The following TCF20 variants were observed in gnomAD, a reference collection of about 807,000 sequenced individuals.
TCF20 encodes SPRE-binding protein.
In TCF20, 3 loss-of-function variants were observed where a neutral mutation model predicts 148.6. The observed-to-expected ratio is 0.02, with a 90% CI of 0.01 to 0.05. The LOEUF (loss-of-function observed/expected upper bound fraction) is 0.05, where lower values mean the gene tolerates loss of function less well. Ranked by LOEUF, TCF20 falls within the 10% of genes least tolerant of loss-of-function variation. TCF20 has a pLI of 1.00. For missense variants in TCF20, 2,350 were observed against 2,429.3 expected (o/e 0.97, Z 0.69); for synonymous variants, 1,049 against 909.5 (o/e 1.15, Z -2.76).
rs1193057402 is a variant in TCF20, at chr22:42,209,834, C to T, written c.5472G>A (p.Ser1824=). Residue 1824 remains serine (S), a synonymous_variant, in exon 2 of 6, where the codon TCG becomes TCA. Transcript: ENST00000677622. ...EGSSEKTVLD[S]KPSVPTTSEG... ...CTGAAGTGGTGGGCACGGAGGGCTT[C>T]GAGTCCAAAACAGTCTTTTCACTGC... is the stretch of plus-strand genomic sequence containing the variant. The T allele has an allele frequency of 8.1e-6, 13 of 1,614,066 alleles. 1 individual carries two copies. The highest frequency in any genetic ancestry group is 6.6e-5 in the South Asian group (6 of 91,086).
chr22:42,274,011 T>C (rs1217982216), upstream of TCF20: 1 of 152,682 alleles, frequency 6.5e-6, no homozygotes, highest in African/African-American at 2.4e-5. Flanking sequence ...AGCAGGCGGA[T>C]GTCCTTCCTC....
At position 42,168,683 on chromosome 22, in the gene TCF20, G is replaced by A. The variant is rs765119364; in HGVS notation, c.5853C>T (p.Ser1951=). 1.2e-6 allele frequency: 2 copies of A among 1,610,432 alleles called. No homozygotes were observed. The highest frequency in any genetic ancestry group is 2.2e-5 in the East Asian group (1 of 44,812). ...PPLQNKTAKG[S]LSTEQSERG ...CCCGCTCCGACTGCTCTGTGCTGAG[G>A]CTGCCTTTCGCGGTCTTGTTCTGCA... The change falls in exon 5 of 6, where the codon AGC becomes AGT. Residue 1951 remains serine, a synonymous_variant. Transcript: ENST00000677622.
At chr22:42,324,950 G>A (rs911516492) in intron 1 of TCF20, among the ~76,000 whole-genome samples, 3 of 152,244 alleles carry the variant, frequency 2.0e-5, no homozygotes, top group Non-Finnish European at 2.9e-5. Context: ...AGCCAGGCTC[G>A]GATGCCTCAT....
At chr22:42,218,278 A>G (rs1464560267) in intron 1 of TCF20, among the ~76,000 whole-genome samples, 1 of 152,212 alleles carries the variant, frequency 6.6e-6, no homozygotes, top group Non-Finnish European at 1.5e-5. Context: ...TCAGTAAAAA[A>G]TACCAGTTGT....
In TCF20 at chr22:42,214,130, A is replaced by C. The variant is rs1569152595; in HGVS notation, c.1176T>G (p.Thr392=). Residue 392 remains threonine, a synonymous_variant, in exon 2 of 6, where the codon ACT becomes ACG. Transcript: ENST00000677622. ...CTTGCCCACACTGGAGATTCTCCCC[A>C]GTCTGCATGAGAGGAGATGGGGTAG... is the stretch of plus-strand genomic sequence containing the variant. ...CSSTPSPLMQ[T]GENLQCGQGS... The C allele has an allele frequency of 6.2e-7, 1 of 1,614,226 alleles. No homozygotes were observed. Among genetic ancestry groups the C allele is most frequent in the Non-Finnish European group, 8.5e-7 (1 of 1,180,042 alleles).
In TCF20 at chr22:42,213,252, T is replaced by G; in HGVS notation, c.2054A>C (p.His685Pro). 1.2e-6 allele frequency: 2 copies of G among 1,614,044 alleles called. No individual in the cohort carries two copies. The highest frequency in any genetic ancestry group is 1.7e-6 in the Non-Finnish European group (2 of 1,179,988). ...CGTAAAACCAGGGCCCGCTGCAGAG[T>G]GGCCACTCTGGCCATTTCCTTCTCC... ...HNGEGNGQSG[H>P]SAAGPGFTSR... The change falls in exon 2 of 6, where the codon CAC becomes CCC. Residue 685 changes from histidine to proline, a missense_variant. Coordinates refer to ENST00000677622, the MANE Select transcript of TCF20 (RefSeq NM_001378418.1).
In TCF20 at chr22:42,261,783, G is replaced by C. The variant is rs2059179950; in HGVS notation, c.-37+8556C>G. Among the ~76,000 whole-genome samples the C allele has an allele frequency of 3.3e-5, 5 of 152,306 alleles. No homozygotes were observed. The South Asian group carries it at 1.0e-3, about 32-fold the overall frequency. On this transcript the variant is annotated intron_variant, in intron 1 of 5. Coordinates refer to ENST00000677622, the MANE Select transcript of TCF20 (RefSeq NM_001378418.1). The stretch of plus-strand genomic sequence containing the variant: ...CCGAGGTGGGCAGATCACGAGGTCA[G>C]GAGTTCAAGACCAGACTGGCCAACA...
intron 1 of TCF20, among the ~76,000 whole-genome samples, chr22:42,305,307 C>T (rs536514815): frequency 1.3e-5 from 2 of 152,156 alleles, no homozygotes; most frequent in Non-Finnish European, 2.9e-5. Context: ...CTCCCTGCCC[C>T]CCTCAGGGCA....
chr22:42,318,229 G>A (rs1927668835), intron 1 of TCF20, among the ~76,000 whole-genome samples: 1 of 152,230 alleles, frequency 6.6e-6, no homozygotes, highest in African/African-American at 2.4e-5. Flanking sequence ...GTACCATGCT[G>A]ATGTCACGCC....
intron 1 of TCF20, among the ~76,000 whole-genome samples, chr22:42,291,183 T>G (rs1927126119): frequency 6.6e-6 from 1 of 152,078 alleles, no homozygotes; most frequent in Non-Finnish European, 1.5e-5. Context: ...AACACAAGCA[T>G]TTATTGAGTG....
At position 42,179,039 on chromosome 22, in the gene TCF20, A is replaced by T. The variant is rs899553680; in HGVS notation, c.5749+570T>A. On this transcript the variant is annotated intron_variant, in intron 3 of 5. Coordinates refer to ENST00000677622, the MANE Select transcript of TCF20 (RefSeq NM_001378418.1). ...ATACCCACTGGGCTGGCTACAATTA[A>T]AAAAAAAAAAAAAAAGAAACACATA... 2.2e-3 allele frequency among the ~76,000 whole-genome samples: 312 copies of T among 140,802 alleles called. 2 individuals are homozygous for T. The highest frequency in any genetic ancestry group is 7.3e-3 in the African/African-American group (270 of 36,750). 92.4% of individuals were successfully genotyped at this position (140,802 alleles called of 152,430 possible).
In TCF20 at chr22:42,212,929, T is replaced by G; in HGVS notation, c.2377A>C (p.Ser793Arg). ...CTGCTAGCTAATTCATTGGTTTGAC[T>G]AACCAAGACATTGGGCCTTGTGGTT... is the stretch of plus-strand genomic sequence containing the variant. ...EGTTRPNVLVSQTNELASRGL... is the reference protein window; with the variant it reads ...EGTTRPNVLVRQTNELASRGL... The change falls in exon 2 of 6, where the codon AGT becomes CGT. Residue 793 changes from serine to arginine, a missense_variant. Coordinates refer to ENST00000677622, the MANE Select transcript of TCF20 (RefSeq NM_001378418.1). 6.2e-7 allele frequency: 1 copy of G among 1,614,200 alleles called. No individual in the cohort carries two copies. The highest frequency in any genetic ancestry group is 8.5e-7 in the Non-Finnish European group (1 of 1,180,042).
intron 2 of TCF20, among the ~76,000 whole-genome samples, chr22:42,198,622 G>A (rs1306978396): frequency 2.0e-5 from 3 of 150,268 alleles, no homozygotes; most frequent in Non-Finnish European, 4.4e-5. Context: ...ATGACAAGAA[G>A]AAAAAAGTCT....
chr22:42,259,378 C>A (rs544401448), intron 1 of TCF20, among the ~76,000 whole-genome samples: 1 of 150,482 alleles, frequency 6.6e-6, no homozygotes, highest in South Asian at 2.1e-4. Context: ...GAAGAAACAA[C>A]TTCTCTACAT....
At chr22:42,221,815 T>G (rs1922396651) in intron 1 of TCF20, among the ~76,000 whole-genome samples, 1 of 145,166 alleles carries the variant, frequency 6.9e-6, no homozygotes, top group African/African-American at 2.5e-5. Flanking sequence ...CTCGGCTCAC[T>G]GCAAGCTCCG....
upstream of TCF20, among the ~76,000 whole-genome samples, chr22:42,272,343 C>T (rs1005524320): frequency 6.6e-5 from 10 of 152,224 alleles, no homozygotes; most frequent in African/African-American, 2.4e-4. Flanking sequence ...TAGGAGAATG[C>T]AGGGCCTCCT....
intron 1 of TCF20, among the ~76,000 whole-genome samples, chr22:42,302,030 A>T (rs535839940): frequency 6.6e-6 from 1 of 152,298 alleles, no homozygotes; most frequent in Non-Finnish European, 1.5e-5. Flanking sequence ...GAACCCCCTG[A>T]TGGGTCTGCA....
At chr22:42,273,515 C>G (rs550249990), upstream of TCF20, among the ~76,000 whole-genome samples, 199 of 152,156 alleles carry the variant, frequency 1.3e-3, no homozygotes, top group Middle Eastern at 3.4e-3. Flanking sequence ...GGCAGGCACT[C>G]AATAACTGAG....
chr22:42,192,866 T>G (rs533159073), intron 2 of TCF20, among the ~76,000 whole-genome samples: 1 of 152,214 alleles, frequency 6.6e-6, no homozygotes, highest in Non-Finnish European at 1.5e-5. Context: ...AATCTGTGAC[T>G]AGCTTATGAA....
Sources: gnomAD v4.1 joint callset for allele counts (sites outside exome capture counted in the v4.1 genomes callset) on GRCh38, gnomAD v4.1.1 for gene constraint, MANE v1.5 for transcripts, NCBI Gene and HGNC (gene_info 2026-07-23, HGNC 2026-07-21) for gene names.